Variants in LIPC observed in about 807,000 individuals in gnomAD.
LIPC encodes the protein hepatic triacylglycerol lipase.
A neutral mutation model predicts 50.7 loss-of-function variants in LIPC; 44 were observed. The observed-to-expected ratio is 0.87, with a 90% CI of 0.68 to 1.11. The LOEUF (loss-of-function observed/expected upper bound fraction) is 1.11, where lower values mean the gene tolerates loss of function less well. LIPC is among the 50% of genes most tolerant of loss of function. The pLI, the probability that LIPC is intolerant of heterozygous loss-of-function variation, is 0.00. For missense variants in LIPC, 697 were observed against 648.2 expected (o/e 1.08, Z -0.82); for synonymous variants, 271 against 256.4 (o/e 1.06, Z -0.54).
At chr15:58,545,253 T>G (rs1893481891) in intron 4 of LIPC, among the ~76,000 whole-genome samples, 1 of 152,082 alleles carries the variant, frequency 6.6e-6, no homozygotes, top group Admixed American at 6.5e-5. Flanking sequence ...TTTTTTTTCT[T>G]TTTGAGACAG....
chr15:58,449,734 T>A (rs1318241992), intron 1 of LIPC, among the ~76,000 whole-genome samples: 1 of 152,158 alleles, frequency 6.6e-6, no homozygotes, highest in Non-Finnish European at 1.5e-5. Flanking sequence ...GAGACAGGGT[T>A]TCGCCATGTT....
At chr15:58,518,689 T>C (rs1257449479) in intron 1 of LIPC, among the ~76,000 whole-genome samples, 1 of 152,178 alleles carries the variant, frequency 6.6e-6, no homozygotes, top group Non-Finnish European at 1.5e-5. Context: ...TCTCACTTAA[T>C]GTTGGGTGAG....
chr15:58,451,944 T>C (rs1266701436), intron 1 of LIPC, among the ~76,000 whole-genome samples: 1 of 152,186 alleles, frequency 6.6e-6, no homozygotes, highest in Admixed American at 6.5e-5. Context: ...GACTCATTTG[T>C]AGGGCAAAGG....
chr15:58,501,171 C>T (rs570921170), intron 1 of LIPC, among the ~76,000 whole-genome samples: 14 of 152,106 alleles, frequency 9.2e-5, no homozygotes, highest in Admixed American at 2.6e-4. Flanking sequence ...TCTCTACAAC[C>T]GCACGCCTCA....
At chr15:58,483,506 A>G (rs1891261790) in intron 1 of LIPC, among the ~76,000 whole-genome samples, 1 of 152,168 alleles carries the variant, frequency 6.6e-6, no homozygotes, top group Non-Finnish European at 1.5e-5. Context: ...GGGGTTGGAG[A>G]GGAGGCTGCT....
At chr15:58,564,541 G>T (rs550792462) in intron 8 of LIPC, among the ~76,000 whole-genome samples, 14 of 151,372 alleles carry the variant, frequency 9.2e-5, no homozygotes, top group African/African-American at 3.4e-4. Context: ...CAGCCTGGCC[G>T]ACATGGTGAA....
At chr15:58,475,137 A>C (rs562340182) in intron 1 of LIPC, among the ~76,000 whole-genome samples, 1 of 152,240 alleles carries the variant, frequency 6.6e-6, no homozygotes, top group East Asian at 1.9e-4. Flanking sequence ...CAGGAAGTCC[A>C]GCTGGCTTTT....
At chr15:58,528,608 G>A (rs557402685) in intron 1 of LIPC, among the ~76,000 whole-genome samples, 1 of 152,176 alleles carries the variant, frequency 6.6e-6, no homozygotes, top group East Asian at 1.9e-4. Flanking sequence ...TCGCTCAGGT[G>A]ATCCTCCCAC....
At chr15:58,446,186 A>C (rs1455710317) in intron 1 of LIPC, among the ~76,000 whole-genome samples, 1 of 152,158 alleles carries the variant, frequency 6.6e-6, no homozygotes, top group East Asian at 1.9e-4. Flanking sequence ...CTTCAATTCT[A>C]AATATTTATA....
At chr15:58,543,464 C>A (rs1893409451) in intron 4 of LIPC, among the ~76,000 whole-genome samples, 1 of 152,154 alleles carries the variant, frequency 6.6e-6, no homozygotes, top group Non-Finnish European at 1.5e-5. Context: ...ACCATGGCCT[C>A]TTGTGCCTCT....
At chr15:58,457,338 G>A (rs9920141) in intron 1 of LIPC, among the ~76,000 whole-genome samples, 54,599 of 152,016 alleles carry the variant, frequency 0.36, 10,117 homozygotes, top group East Asian at 0.47. Flanking sequence ...TCAAACTCCC[G>A]ACCTCAGGTG....
intron 6 of LIPC, among the ~76,000 whole-genome samples, chr15:58,551,005 T>C (rs1345825289): frequency 2.0e-5 from 3 of 149,742 alleles, no homozygotes; most frequent in Non-Finnish European, 4.4e-5. Flanking sequence ...CCCAGCTAAT[T>C]TTTGTATTTT....
chr15:58,541,603 A>G (rs1236007103), intron 2 of LIPC, 182 bp from the exon 3 acceptor site: 8 of 677,484 alleles, frequency 1.2e-5, no homozygotes, highest in East Asian at 8.2e-5. Flanking sequence ...GCTGCTAAAC[A>G]TCGTACAATG....
chr15:58,513,726 TCAGTTCA>T (rs1227757541), intron 1 of LIPC, among the ~76,000 whole-genome samples: 6 of 152,168 alleles, frequency 3.9e-5, no homozygotes, highest in Non-Finnish European at 8.8e-5. Context: ...AGCAACTCCC[TCAGTTCA>T]CAGTTGTGCA....
intron 1 of LIPC, among the ~76,000 whole-genome samples, chr15:58,476,292 A>G (rs1890996551): frequency 1.3e-5 from 2 of 152,376 alleles, no homozygotes; most frequent in South Asian, 2.1e-4. Flanking sequence ...TTTTTCAGGC[A>G]CAGCCTGATG....
At chr15:58,552,946 G>A (rs921222561) in intron 6 of LIPC, among the ~76,000 whole-genome samples, 4 of 152,120 alleles carry the variant, frequency 2.6e-5, no homozygotes, top group East Asian at 1.9e-4. Context: ...AACCTGCCCC[G>A]GTCAGTTCAG....
At chr15:58,550,555 C>T (rs543042754) in intron 6 of LIPC, among the ~76,000 whole-genome samples, 2 of 152,292 alleles carry the variant, frequency 1.3e-5, no homozygotes, top group Non-Finnish European at 2.9e-5. Context: ...CCACCAGCTA[C>T]CAAAACCAAC....
At chr15:58,473,995 A>G (rs1890897480) in intron 1 of LIPC, 1 of 152,258 alleles carries the variant, frequency 6.6e-6, no homozygotes. Context: ...ATTTTCAGCC[A>G]AAACACATTG....
At chr15:58,480,409 C>T (rs1196835678) in intron 1 of LIPC, among the ~76,000 whole-genome samples, 6 of 152,212 alleles carry the variant, frequency 3.9e-5, no homozygotes, top group African/African-American at 1.4e-4. Flanking sequence ...ATTCTCCTGC[C>T]TTGGCGTCTC....
Sources: allele counts gnomAD v4.1 joint callset (sites outside exome capture counted in the v4.1 genomes callset), GRCh38; gene constraint gnomAD v4.1.1; transcripts MANE v1.5; gene names NCBI Gene and HGNC (gene_info 2026-07-23, HGNC 2026-07-21).